Variants in GTF3C1 observed in about 807,000 individuals in gnomAD.
The protein encoded by GTF3C1 is general transcription factor 3C polypeptide 1.
A neutral mutation model predicts 226.7 loss-of-function variants in GTF3C1; 57 were observed. The ratio of observed to expected loss-of-function variants is 0.25; its 90% CI spans 0.20 to 0.31. The LOEUF (loss-of-function observed/expected upper bound fraction) is 0.31. GTF3C1 is among the 10% of genes least tolerant of loss of function. The pLI is 1.00. For missense variants in GTF3C1, 2,217 were observed against 2,776.1 expected, an observed-to-expected ratio of 0.80 and a Z score of 4.53; for synonymous variants, 1,090 against 1,084.8, an observed-to-expected ratio of 1.00 and a Z score of -0.09.
At chr16:27,487,482 G>A (rs1294539627) in intron 23 of GTF3C1, among the ~76,000 whole-genome samples, 5 of 152,210 alleles carry the variant, frequency 3.3e-5, no homozygotes, top group South Asian at 4.1e-4. Flanking sequence ...CACCGCACAA[G>A]GGGTGCATCA....
chr16:27,529,342 T>G (rs576820830), intron 5 of GTF3C1, among the ~76,000 whole-genome samples: 1 of 151,416 alleles, frequency 6.6e-6, no homozygotes, highest in African/African-American at 2.4e-5. Context: ...ACTCAGGAGG[T>G]TGAGGGTGAG....
chr16:27,495,803 C>A (rs2088307150), intron 14 of GTF3C1, among the ~76,000 whole-genome samples: 1 of 152,214 alleles, frequency 6.6e-6, no homozygotes, highest in African/African-American at 2.4e-5. Context: ...GAGCTGCTGG[C>A]AGTGCAGAAC....
chr16:27,485,885 G>A, intron 24 of GTF3C1, 112 bp downstream of exon 24: 7 of 642,474 alleles, frequency 1.1e-5, no homozygotes, highest in Admixed American at 3.2e-5. Flanking sequence ...TCCCAGTGGC[G>A]AAGCAGAGCA....
intron 7 of GTF3C1, among the ~76,000 whole-genome samples, chr16:27,509,077 T>C (rs1197164756): frequency 2.0e-5 from 3 of 152,246 alleles, no homozygotes; most frequent in South Asian, 2.1e-4. Context: ...CTTTTCTTAA[T>C]GTGTATTCTT....
chr16:27,514,087 G>A (rs1193970754), intron 6 of GTF3C1, among the ~76,000 whole-genome samples: 1 of 152,174 alleles, frequency 6.6e-6, no homozygotes, highest in Non-Finnish European at 1.5e-5. Flanking sequence ...ACTCTAACGG[G>A]GGCCAGCCTA....
Position 27,461,756 on chromosome 16 carries a change from T to C in GTF3C1, c.6118-194A>G. 1.7e-6 allele frequency: 1 copy of C among 597,246 alleles called. No homozygotes were observed. 37.0% of individuals were successfully genotyped at this position (597,246 alleles called of 1,614,324 possible). ...CAAAGGCCCTGGTGGGAGAGGCAGC[T>C]GCCTGAGCAGCACGTGTACAGCGCT... On this transcript the variant is annotated intron_variant, in intron 36 of 36. Transcript: ENST00000356183. The surrounding 1 kb of genome is among the most constrained non-coding windows in gnomAD (Gnocchi z 5.3).
intron 16 of GTF3C1, 143 bp downstream of exon 16, chr16:27,494,620 C>CATCT (rs1203001304): frequency 1.6e-6 from 1 of 616,704 alleles, no homozygotes; most frequent in Non-Finnish European, 2.9e-6. Flanking sequence ...CTTGAATGAG[C>CATCT]ATCTGCCTAT....
chr16:27,544,262 C>T (rs1267812197), intron 2 of GTF3C1, among the ~76,000 whole-genome samples: 3 of 151,904 alleles, frequency 2.0e-5, no homozygotes, highest in Non-Finnish European at 1.5e-5. Flanking sequence ...TGGTATGCGC[C>T]TGTGGTCCCA....
chr16:27,533,492 T>C, intron 4 of GTF3C1, 105 bp from the exon 5 acceptor site: 3 of 670,660 alleles, frequency 4.5e-6, no homozygotes, highest in East Asian at 5.3e-5. Flanking sequence ...TTAATCATTT[T>C]ACAATAAATA....
intron 6 of GTF3C1, among the ~76,000 whole-genome samples, chr16:27,522,502 C>T (rs376336172): frequency 6.6e-6 from 1 of 152,276 alleles, no homozygotes; most frequent in Admixed American, 6.5e-5. Context: ...TCCATTACTA[C>T]TGCTTTGCAG....
At chr16:27,480,760 C>T in intron 27 of GTF3C1, 1 of 309,806 alleles carries the variant, frequency 3.2e-6, no homozygotes, top group South Asian at 4.4e-5. Context: ...CTGGTACTTA[C>T]AAGCACTGTG....
chr16:27,534,801 C>T (rs901632424), intron 4 of GTF3C1, among the ~76,000 whole-genome samples: 16 of 152,118 alleles, frequency 1.1e-4, no homozygotes, highest in Middle Eastern at 3.4e-3. Context: ...ACAGTTGGCT[C>T]TTGGACAACA....
chr16:27,537,166 A>G (rs1374295597), intron 4 of GTF3C1, among the ~76,000 whole-genome samples: 2 of 152,240 alleles, frequency 1.3e-5, no homozygotes, highest in Non-Finnish European at 2.9e-5. Flanking sequence ...TGAAACTGAC[A>G]TAATTCAACT....
chr16:27,481,006 A>C (rs1203560644), intron 27 of GTF3C1, 73 bp downstream of exon 27: 1 of 1,268,614 alleles, frequency 7.9e-7, no homozygotes, highest in Non-Finnish European at 1.2e-6. Context: ...GGACCTGCTG[A>C]TAAGGGAGAC....
At chr16:27,489,472 C>G (rs1371616016) in intron 20 of GTF3C1, 130 bp downstream of exon 20, 1 of 684,798 alleles carries the variant, frequency 1.5e-6, no homozygotes, top group Non-Finnish European at 2.4e-6. Context: ...AGCCAGCCAT[C>G]TGCAGCCTCT....
Position 27,507,210 on chromosome 16 carries a change from G to A in GTF3C1, c.1243-54C>T. ...CTGCAAAGAGGGCGTCATACCCACAGGGGTTCAGGTGGTCTGTGGCATCTA... is the reference window on the plus strand; with the variant it reads ...CTGCAAAGAGGGCGTCATACCCACAAGGGTTCAGGTGGTCTGTGGCATCTA... On this transcript the variant is annotated intron_variant, in intron 8 of 36. Transcript: ENST00000356183. The surrounding 1 kb of genome is among the most constrained non-coding windows in gnomAD (Gnocchi z 4.9). The A allele has an allele frequency of 7.6e-7, 1 of 1,320,374 alleles. No individual in the cohort carries two copies. Among genetic ancestry groups the A allele is most frequent in the Non-Finnish European group, 1.1e-6 (1 of 947,714 alleles). The allele number at this position is 1,320,374 out of a possible 1,614,324, so 81.8% of individuals were successfully genotyped here.
chr16:27,491,236 C>T (rs902607568), intron 19 of GTF3C1, among the ~76,000 whole-genome samples: 8 of 152,190 alleles, frequency 5.3e-5, no homozygotes, highest in Non-Finnish European at 1.0e-4. Context: ...GATCTTTCAG[C>T]TTCAAGAAGG....
intron 29 of GTF3C1, 126 bp from the exon 30 acceptor site, chr16:27,472,046 G>T: frequency 2.7e-6 from 2 of 745,818 alleles, no homozygotes; most frequent in Non-Finnish European, 4.5e-6. Context: ...GGAGGCCCAG[G>T]CTGGCGTATG....
At chr16:27,499,903 C>T (rs1033852635) in intron 12 of GTF3C1, among the ~76,000 whole-genome samples, 25 of 152,346 alleles carry the variant, frequency 1.6e-4, no homozygotes, top group African/African-American at 5.8e-4. Flanking sequence ...TGGAAACCTA[C>T]GCTGGTACTA....
Sources: gnomAD v4.1 joint callset for allele counts (sites outside exome capture counted in the v4.1 genomes callset) on GRCh38, gnomAD v4.1.1 for gene constraint, Gnocchi (gnomAD v3.1) non-coding constraint, MANE v1.5 for transcripts, NCBI Gene and HGNC (gene_info 2026-07-23, HGNC 2026-07-21) for gene names.